Variants in NREP observed in about 807,000 individuals in gnomAD.
The protein encoded by NREP is neuronal regeneration-related protein.
A neutral mutation model predicts 8.6 loss-of-function variants in NREP; 5 were observed. That is an observed-to-expected ratio of 0.58 (90% confidence interval 0.30 to 1.22). The LOEUF (loss-of-function observed/expected upper bound fraction) is 1.22, where lower values mean the gene tolerates loss of function less well. Among genes scored for constraint, NREP ranks in the 50% most tolerant of loss-of-function variants. NREP has a pLI of 0.07. For missense variants in NREP, 86 were observed against 82.5 expected (o/e 1.04, Z -0.17); for synonymous variants, 27 against 28.0 (o/e 0.96, Z 0.11).
chr5:111,835,558 C>T (rs999674124), intron 2 of NREP, among the ~76,000 whole-genome samples: 1 of 151,696 alleles, frequency 6.6e-6, no homozygotes, highest in Admixed American at 6.6e-5. Flanking sequence ...ACTAAGTAGA[C>T]AAAGAATGAG....
chr5:111,976,875 GCATGA>G, exon 1 of NREP: 1 of 646,648 alleles, frequency 1.5e-6, no homozygotes. Flanking sequence ...TTGATAAATA[GCATGA>G]TTGCACTGCC....
At chr5:111,910,052 A>G (rs1754870979) in intron 2 of NREP, among the ~76,000 whole-genome samples, 1 of 152,146 alleles carries the variant, frequency 6.6e-6, no homozygotes, top group African/African-American at 2.4e-5. Flanking sequence ...CTGTTATCAT[A>G]TAATGCACAT....
At chr5:111,962,113 G>A (rs55706925) in intron 2 of NREP, among the ~76,000 whole-genome samples, 3 of 152,158 alleles carry the variant, frequency 2.0e-5, no homozygotes, top group Admixed American at 2.0e-4. Flanking sequence ...AAATAGTTCA[G>A]TGCTGTAAAT....
At chr5:111,779,563 G>A (rs1751443959) in intron 2 of NREP, among the ~76,000 whole-genome samples, 1 of 152,146 alleles carries the variant, frequency 6.6e-6, no homozygotes, top group African/African-American at 2.4e-5. Flanking sequence ...GAGAGGCTTA[G>A]GTCAAACTCT....
chr5:111,883,580 C>T lies in NREP; in HGVS notation c.135+91694G>A, dbSNP rs868611419. On this transcript the variant is annotated intron_variant, in intron 2 of 3. Coordinates refer to the NREP transcript ENST00000395634. ...TTGACCACATACTTGGAAGTAAAGC[C>T]CTCCTCAGCAAATGTAAAAGATCAC... Among the ~76,000 whole-genome samples the T allele has an allele frequency of 2.9e-3, 437 of 152,118 alleles. 4 individuals carry two copies. Among genetic ancestry groups the T allele is most frequent in the Middle Eastern group, 0.01 (3 of 294 alleles).
At position 111,907,609 on chromosome 5, in the gene NREP, T is replaced by A. The variant is rs1754809597; in HGVS notation, c.135+67665A>T. Among the ~76,000 whole-genome samples the A allele has an allele frequency of 2.0e-5, 3 of 152,242 alleles. No homozygotes were observed. The South Asian group carries it at 6.2e-4, about 32-fold the overall frequency. On this transcript the variant is annotated intron_variant, in intron 2 of 3. Coordinates refer to the NREP transcript ENST00000395634. The stretch of plus-strand genomic sequence containing the variant: ...TTTATTGTATATCTTCAATAATAAT[T>A]GTTAAATGCCCTTAATAATAGCACA...
intron 2 of NREP, among the ~76,000 whole-genome samples, chr5:111,796,415 G>T (rs1460886372): frequency 1.3e-5 from 2 of 152,140 alleles, no homozygotes; most frequent in African/African-American, 4.8e-5. Flanking sequence ...AGGTTCTGGT[G>T]ATTAGAATGT....
chr5:111,968,013 T>C (rs1353812228), intron 2 of NREP, among the ~76,000 whole-genome samples: 2 of 152,300 alleles, frequency 1.3e-5, no homozygotes, highest in African/African-American at 4.8e-5. Flanking sequence ...ATTAAAGGAA[T>C]TTAACTAGGC....
intron 2 of NREP, among the ~76,000 whole-genome samples, chr5:111,949,404 T>C (rs1362503040): frequency 6.6e-6 from 1 of 152,064 alleles, no homozygotes; most frequent in East Asian, 1.9e-4. Flanking sequence ...TTTGGAAAAT[T>C]CCTTTCCTTA....
chr5:111,961,175 G>C (rs1292118050), intron 2 of NREP, among the ~76,000 whole-genome samples: 1 of 152,164 alleles, frequency 6.6e-6, no homozygotes, highest in African/African-American at 2.4e-5. Context: ...CAGAACGAAG[G>C]TTCCCTGGCT....
chr5:111,858,682 G>A (rs544582579), intron 2 of NREP, among the ~76,000 whole-genome samples: 2 of 151,930 alleles, frequency 1.3e-5, no homozygotes, highest in African/African-American at 2.4e-5. Flanking sequence ...GGGCTTTCTC[G>A]ATCATAAGGT....
At chr5:111,962,620 C>T (rs1386205402) in intron 2 of NREP, among the ~76,000 whole-genome samples, 1 of 152,086 alleles carries the variant, frequency 6.6e-6, no homozygotes, top group East Asian at 1.9e-4. Context: ...CCCTGTTTGC[C>T]CACTCTCTCT....
chr5:111,964,855 CAAAAAAAAAAAAAAAAAAAAAAAAAAAAA>C (rs58877839), intron 2 of NREP, among the ~76,000 whole-genome samples: 14 of 44,890 alleles, frequency 3.1e-4, no homozygotes, highest in South Asian at 1.5e-3. Flanking sequence ...CTTTCAGCAG[CAAAAAAAAAAAAAAAAAAAAAAAAAAAAA>C]AAAAAAAAAA....
At chr5:111,733,727 T>A (rs1415703220) in intron 3 of NREP, 1 of 152,078 alleles carries the variant, frequency 6.6e-6, no homozygotes, top group Non-Finnish European at 1.5e-5. Flanking sequence ...CTGAGGGACT[T>A]GAGTAATTCA....
chr5:111,919,903 G>GAAAA (rs1755181837), intron 2 of NREP, among the ~76,000 whole-genome samples: 1 of 148,852 alleles, frequency 6.7e-6, no homozygotes. Context: ...AAGAAAGAAA[G>GAAAA]AAAGAAAGAA....
At chr5:111,906,257 T>C (rs1466735) in intron 2 of NREP, among the ~76,000 whole-genome samples, 58,934 of 151,874 alleles carry the variant, frequency 0.39, 14,158 homozygotes, top group Non-Finnish European at 0.54. Context: ...TTGCAATGTG[T>C]TTCTTATTGT....
intron 2 of NREP, among the ~76,000 whole-genome samples, chr5:111,886,880 A>T (rs1009838795): frequency 1.3e-5 from 2 of 151,996 alleles, no homozygotes; most frequent in Non-Finnish European, 2.9e-5. Flanking sequence ...CTAAATGACG[A>T]GTTAATGGGT....
At chr5:111,784,497 T>A (rs557277579) in intron 2 of NREP, among the ~76,000 whole-genome samples, 2 of 152,334 alleles carry the variant, frequency 1.3e-5, no homozygotes, top group African/African-American at 4.8e-5. Flanking sequence ...TACACTTTCT[T>A]TGATTTGTTA....
At chr5:111,847,679 A>G (rs140900272) in intron 2 of NREP, among the ~76,000 whole-genome samples, 1 of 152,246 alleles carries the variant, frequency 6.6e-6, no homozygotes. Context: ...CTGTGTTTGG[A>G]GACAAGGTCA....
Sources: gnomAD v4.1 joint callset for allele counts (sites outside exome capture counted in the v4.1 genomes callset) on GRCh38, gnomAD v4.1.1 for gene constraint, MANE v1.5 for transcripts, NCBI Gene and HGNC (gene_info 2026-07-23, HGNC 2026-07-21) for gene names.